Variants in TBC1D31 observed in about 807,000 individuals in gnomAD.
TBC1D31 encodes the protein TBC1 domain family member 31.
Under a neutral mutation model 132.9 loss-of-function variants are expected in TBC1D31, and 99 were observed. The ratio of observed to expected loss-of-function variants is 0.74; its 90% CI spans 0.63 to 0.88. TBC1D31 has a LOEUF of 0.88. TBC1D31 is among the 40% of genes least tolerant of loss of function. The probability of loss-of-function intolerance (pLI) is 0.00; values close to 1 mark genes in which losing one functional copy is unlikely to be tolerated. For synonymous variants in TBC1D31, 385 were observed against 419.4 expected (o/e 0.92, Z 1.00); for missense variants, 1,134 against 1,256.6 (o/e 0.90, Z 1.48).
intron 10 of TBC1D31, among the ~76,000 whole-genome samples, chr8:123,118,370 T>G (rs557590868): frequency 5.3e-5 from 8 of 152,038 alleles, no homozygotes; most frequent in Admixed American, 3.3e-4. Flanking sequence ...ATTTTTGCAG[T>G]TTTTTTTGTA....
At chr8:123,159,269 A>G in the TBC1D31 span, among the ~76,000 whole-genome samples, 10,904 of 112,956 alleles carry the variant, frequency 0.097, 481 homozygotes, top group South Asian at 0.19. Context: ...TTTGAACAGG[A>G]AAAAAAAAAA....
Position 123,144,725 on chromosome 8 carries a change from A to G in TBC1D31, c.2844A>G (p.Glu948=). ...CATTTATTTGAATTTAGTGGAAGGA[A>G]GCTGAAGGAAAAGAGTTCCGTTTGA... ...MVEEEAKKWK[E]AEGKEFRLRS... is the part of the protein sequence containing the mutation. Residue 948 remains glutamate (E), a synonymous_variant, in exon 20 of 22, where the codon GAA becomes GAG. Transcript: ENST00000287380. 3 of 1,604,026 alleles carry G rather than the reference A, an allele frequency of 1.9e-6. No homozygotes were observed. The highest frequency in any genetic ancestry group is 2.5e-6 in the Non-Finnish European group (3 of 1,177,620).
the TBC1D31 span, among the ~76,000 whole-genome samples, chr8:123,160,694 C>G: frequency 6.6e-6 from 1 of 152,194 alleles, no homozygotes; most frequent in Non-Finnish European, 1.5e-5. Flanking sequence ...CGCCACTAGC[C>G]GGTACAGGGT....
chr8:123,107,542 G>T (rs1369949401), intron 8 of TBC1D31, among the ~76,000 whole-genome samples: 1 of 152,170 alleles, frequency 6.6e-6, no homozygotes, highest in Non-Finnish European at 1.5e-5. Flanking sequence ...GGGCAATGTT[G>T]CTCCTATTTA....
intron 10 of TBC1D31, among the ~76,000 whole-genome samples, chr8:123,118,042 C>T (rs567494890): frequency 6.6e-6 from 1 of 152,260 alleles, no homozygotes; most frequent in Admixed American, 6.5e-5. Context: ...ATCAGACAAA[C>T]CCAAATTGAG....
At chr8:123,108,958 A>G (rs1818203222) in intron 8 of TBC1D31, among the ~76,000 whole-genome samples, 1 of 152,026 alleles carries the variant, frequency 6.6e-6, no homozygotes, top group South Asian at 2.1e-4. Flanking sequence ...TGGGGGAACT[A>G]CCCCCGTGAT....
At chr8:123,144,467 T>G (rs1257041423) in intron 19 of TBC1D31, among the ~76,000 whole-genome samples, 2 of 152,204 alleles carry the variant, frequency 1.3e-5, no homozygotes, top group Admixed American at 1.3e-4. Flanking sequence ...CAGCAATTAT[T>G]GGGATATAGT....
chr8:123,130,437 A>G, intron 16 of TBC1D31, 104 bp downstream of exon 16: 5 of 1,048,504 alleles, frequency 4.8e-6, no homozygotes, highest in Non-Finnish European at 6.5e-6. Flanking sequence ...TCCACCATGA[A>G]TACTAAATAG....
chr8:123,141,556 A>G (rs1162577530), intron 18 of TBC1D31, among the ~76,000 whole-genome samples: 1 of 152,218 alleles, frequency 6.6e-6, no homozygotes. Flanking sequence ...AGCTTTCTCT[A>G]TTATCTCTTT....
chr8:123,162,978 G>A, the TBC1D31 span, among the ~76,000 whole-genome samples: 31 of 151,956 alleles, frequency 2.0e-4, no homozygotes, highest in African/African-American at 7.0e-4. Context: ...GATTACAGGC[G>A]CGCCACCACA....
intron 19 of TBC1D31, among the ~76,000 whole-genome samples, chr8:123,144,447 A>C (rs1246118649): frequency 6.6e-6 from 1 of 152,232 alleles, no homozygotes; most frequent in African/African-American, 2.4e-5. Flanking sequence ...ATTGAAATGC[A>C]TTATTATTTC....
intron 20 of TBC1D31, among the ~76,000 whole-genome samples, chr8:123,145,527 C>T (rs1447204552): frequency 6.6e-6 from 1 of 152,076 alleles, no homozygotes; most frequent in Middle Eastern, 3.2e-3. Flanking sequence ...CGATACAAGG[C>T]TTACAGTGGC....
At chr8:123,162,129 A>T in the TBC1D31 span, among the ~76,000 whole-genome samples, 3 of 152,158 alleles carry the variant, frequency 2.0e-5, 1 homozygote, top group South Asian at 6.2e-4. Flanking sequence ...ACATTTGGAA[A>T]GTTTACATTT....
chr8:123,146,238 C>T (rs1419838537), intron 20 of TBC1D31, among the ~76,000 whole-genome samples: 1 of 152,186 alleles, frequency 6.6e-6, no homozygotes, highest in Non-Finnish European at 1.5e-5. Flanking sequence ...AATACACTTA[C>T]ATAGTCATGC....
At chr8:123,112,707 G>A (rs1362577247) in intron 10 of TBC1D31, among the ~76,000 whole-genome samples, 2 of 152,154 alleles carry the variant, frequency 1.3e-5, no homozygotes, top group Non-Finnish European at 2.9e-5. Flanking sequence ...TTTCTATTAA[G>A]TGTATCTTTG....
chr8:123,140,083 G>C (rs916642142), intron 17 of TBC1D31, among the ~76,000 whole-genome samples: 1 of 152,184 alleles, frequency 6.6e-6, no homozygotes, highest in African/African-American at 2.4e-5. Flanking sequence ...GTATAGGCTG[G>C]ACATGGTGGC....
the TBC1D31 span, among the ~76,000 whole-genome samples, chr8:123,159,864 G>A: frequency 9.2e-5 from 14 of 151,818 alleles, no homozygotes; most frequent in East Asian, 2.7e-3. Context: ...AGGTAGGGGT[G>A]AGAGGAAGAC....
intron 10 of TBC1D31, among the ~76,000 whole-genome samples, chr8:123,110,051 G>A (rs895734384): frequency 1.3e-5 from 2 of 152,152 alleles, no homozygotes; most frequent in Non-Finnish European, 2.9e-5. Flanking sequence ...CTGAGATCAC[G>A]CCATTTTACT....
intron 11 of TBC1D31, among the ~76,000 whole-genome samples, chr8:123,125,464 G>A (rs1389722335): frequency 6.6e-6 from 1 of 152,138 alleles, no homozygotes; most frequent in Non-Finnish European, 1.5e-5. Flanking sequence ...ACCAGTCCTG[G>A]TGGCTATTCC....
Sources: allele counts gnomAD v4.1 joint callset (sites outside exome capture counted in the v4.1 genomes callset), GRCh38; gene constraint gnomAD v4.1.1; transcripts MANE v1.5; gene names NCBI Gene and HGNC (gene_info 2026-07-23, HGNC 2026-07-21).